PUS7: variants seen among roughly 807,000 people sequenced by gnomAD.
The protein encoded by PUS7 is pseudouridylate synthase 7 homolog.
In PUS7, 48 loss-of-function variants were observed where a neutral mutation model predicts 79.8. That is an observed-to-expected ratio of 0.60 (90% CI 0.48 to 0.76). PUS7 has a LOEUF of 0.76. PUS7 is among the 30% of genes least tolerant of loss of function. The probability of loss-of-function intolerance (pLI) is 0.00; values close to 1 mark genes in which losing one functional copy is unlikely to be tolerated. For missense variants in PUS7, 729 were observed against 797.6 expected (o/e 0.91, Z 1.04); for synonymous variants, 286 against 272.2 (o/e 1.05, Z -0.50).
At chr7:105,490,952 C>T (rs1375381303) in intron 7 of PUS7, among the ~76,000 whole-genome samples, 2 of 152,228 alleles carry the variant, frequency 1.3e-5, no homozygotes, top group Non-Finnish European at 2.9e-5. Context: ...ACGCACAGGA[C>T]AGTCCCTACA....
chr7:105,501,641 A>C (rs1281824094), intron 5 of PUS7, among the ~76,000 whole-genome samples: 1 of 152,040 alleles, frequency 6.6e-6, no homozygotes, highest in Admixed American at 6.6e-5. Context: ...GGGGCCTGGC[A>C]AAAAAATATG....
chr7:105,480,941 T>C (rs1824295235), intron 9 of PUS7, 111 bp downstream of exon 9: 1 of 1,263,910 alleles, frequency 7.9e-7, no homozygotes, highest in South Asian at 1.6e-5. Context: ...AAACTGTGGT[T>C]CATTTGCCCC....
intron 11 of PUS7, among the ~76,000 whole-genome samples, chr7:105,469,607 C>T (rs1480256796): frequency 1.3e-5 from 2 of 152,124 alleles, no homozygotes; most frequent in Non-Finnish European, 2.9e-5. Flanking sequence ...TTACAGGCGT[C>T]TGCCACCACG....
At chr7:105,514,521 G>T (rs1448109015) in intron 1 of PUS7, among the ~76,000 whole-genome samples, 1 of 150,278 alleles carries the variant, frequency 6.7e-6, no homozygotes, top group East Asian at 2.0e-4. Flanking sequence ...GGAGAATGGC[G>T]TGAACCCGGG....
chr7:105,468,282 T>C (rs1823738089), intron 12 of PUS7, 55 bp downstream of exon 12: 3 of 1,583,900 alleles, frequency 1.9e-6, no homozygotes, highest in Non-Finnish European at 2.6e-6. Context: ...AAGCCACTAG[T>C]GGCAACTAAC....
chr7:105,501,640 CA>C (rs1314842720), intron 5 of PUS7, among the ~76,000 whole-genome samples: 1 of 151,786 alleles, frequency 6.6e-6, no homozygotes, highest in African/African-American at 2.4e-5. Flanking sequence ...AGGGGCCTGG[CA>C]AAAAAATATG....
At chr7:105,490,523 C>T (rs747598707) in intron 7 of PUS7, among the ~76,000 whole-genome samples, 2 of 152,094 alleles carry the variant, frequency 1.3e-5, no homozygotes, top group Admixed American at 6.5e-5. Flanking sequence ...CTTGCTCCAC[C>T]GGCGATCCAT....
intron 5 of PUS7, among the ~76,000 whole-genome samples, chr7:105,499,554 T>TA (rs1022809909): frequency 4.6e-5 from 7 of 152,134 alleles, no homozygotes; most frequent in Admixed American, 6.5e-5. Context: ...GATGGTATTT[T>TA]AAAAAAAAAT....
chr7:105,499,813 A>G (rs555829057), intron 5 of PUS7, among the ~76,000 whole-genome samples: 2 of 152,326 alleles, frequency 1.3e-5, no homozygotes, highest in African/African-American at 4.8e-5. Flanking sequence ...CTAAAAAAAA[A>G]CTGTAAATTA....
At position 105,518,869 on chromosome 7, in the gene PUS7, C is replaced by T. The variant is rs1211740673; in HGVS notation, c.-33+3183G>A. 4.0e-5 allele frequency among the ~76,000 whole-genome samples: 6 copies of T among 151,530 alleles called. No homozygotes were observed. In the South Asian group the frequency reaches 8.4e-4, roughly 21 times the overall value. On this transcript the variant is annotated intron_variant, in intron 1 of 15. Coordinates refer to ENST00000469408, the MANE Select transcript of PUS7 (RefSeq NM_019042.5). ...CTGCAACCTCTGCCTCCCGGGTACA[C>T]GAGATTCTCCTGCCTCAGCCTCCTG...
intron 12 of PUS7, 129 bp downstream of exon 12, chr7:105,468,208 T>C (rs1311111674): frequency 5.3e-5 from 66 of 1,256,556 alleles, no homozygotes; most frequent in Non-Finnish European, 7.1e-5. Flanking sequence ...GTCAGGATTA[T>C]GGGCGTGTAC....
intron 5 of PUS7, among the ~76,000 whole-genome samples, chr7:105,496,210 TATATATATATATATATAGAGAG>T (rs1562808912): frequency 7.1e-5 from 5 of 70,554 alleles, no homozygotes; most frequent in Admixed American, 3.5e-4. Context: ...TATATATATA[TATATATATATATATATAGAGAG>T]AGAGAGAGAG....
At chr7:105,509,241 C>A (rs1041726402) in intron 1 of PUS7, among the ~76,000 whole-genome samples, 2 of 138,926 alleles carry the variant, frequency 1.4e-5, no homozygotes, top group African/African-American at 2.8e-5. Flanking sequence ...CAGATAAAGG[C>A]ATAGTTAATG....
At chr7:105,475,432 C>T (rs1035847896) in intron 9 of PUS7, among the ~76,000 whole-genome samples, 10 of 151,198 alleles carry the variant, frequency 6.6e-5, no homozygotes, top group South Asian at 2.1e-4. Context: ...TGATCTGCCC[C>T]CCTTGGCCTC....
intron 1 of PUS7, among the ~76,000 whole-genome samples, chr7:105,521,530 A>T (rs1348112870): frequency 6.6e-6 from 1 of 152,218 alleles, no homozygotes; most frequent in East Asian, 1.9e-4. Flanking sequence ...AGCAGTCCCC[A>T]GAGCCCGCGT....
rs758198992 is a variant in PUS7 at position 105,506,268 on chromosome 7, G to A, written c.404C>T (p.Ser135Phe). The change falls in exon 3 of 16, where the codon TCC becomes TTC. Residue 135 changes from serine to phenylalanine, a missense_variant. Ser to Phe is a radical substitution (Grantham distance 155, BLOSUM62 -2). Coordinates refer to ENST00000469408, the MANE Select transcript of PUS7 (RefSeq NM_019042.5). Reference sequence around the variant, plus strand: ...TCCTATTTCATGAACAACGAAGTCGGAGTATCTGATGAAAGAAAACATGAA... The same window carrying A: ...TCCTATTTCATGAACAACGAAGTCGAAGTATCTGATGAAAGAAAACATGAA... The part of the protein sequence containing the change: ...GFSGILKERY[S>F]DFVVHEIGKD... The A allele has an allele frequency of 6.2e-7, 1 of 1,608,404 alleles. No individual in the cohort carries two copies. Among genetic ancestry groups the A allele is most frequent in the Admixed American group, 1.7e-5 (1 of 59,354 alleles).
chr7:105,515,565 AACTC>A (rs1258704341), intron 1 of PUS7, among the ~76,000 whole-genome samples: 11 of 152,176 alleles, frequency 7.2e-5, no homozygotes, highest in Non-Finnish European at 1.6e-4. Context: ...GAATAAACTA[AACTC>A]ACTTTTAAAT....
chr7:105,460,625 C>T (rs956607755), intron 14 of PUS7, among the ~76,000 whole-genome samples: 6 of 151,618 alleles, frequency 4.0e-5, no homozygotes, highest in African/African-American at 7.3e-5. Flanking sequence ...GAGGCCGAGG[C>T]GGGCGGATCA....
At chr7:105,497,889 C>T (rs1375565468) in intron 5 of PUS7, among the ~76,000 whole-genome samples, 1 of 152,132 alleles carries the variant, frequency 6.6e-6, no homozygotes, top group Non-Finnish European at 1.5e-5. Flanking sequence ...TATTTGACTG[C>T]AAGTTTGAAA....
Sources: gnomAD v4.1 joint callset for allele counts (sites outside exome capture counted in the v4.1 genomes callset) on GRCh38, gnomAD v4.1.1 for gene constraint, MANE v1.5 for transcripts, NCBI Gene and HGNC (gene_info 2026-07-23, HGNC 2026-07-21) for gene names.